Variants in CDH12 observed in about 807,000 individuals in gnomAD.
The protein encoded by CDH12 is cadherin-12.
Under a neutral mutation model 74.1 loss-of-function variants are expected in CDH12, and 41 were observed. The ratio of observed to expected loss-of-function variants is 0.55; its 90% CI spans 0.43 to 0.72. The LOEUF (loss-of-function observed/expected upper bound fraction) is 0.72, where lower values mean the gene tolerates loss of function less well. CDH12 is among the 30% of genes least tolerant of loss of function. The pLI is 0.00. For synonymous variants in CDH12, 399 were observed against 355.0 expected (o/e 1.12, Z -1.39); for missense variants, 945 against 977.2 (o/e 0.97, Z 0.44).
chr5:22,705,952 T>C (rs184216852), intron 1 of CDH12, among the ~76,000 whole-genome samples: 56 of 152,236 alleles, frequency 3.7e-4, no homozygotes, highest in South Asian at 2.1e-4. Context: ...ATATTAGGTT[T>C]ACTTTCATTG....
chr5:22,686,961 T>G (rs1204541792), intron 1 of CDH12, among the ~76,000 whole-genome samples: 7 of 152,212 alleles, frequency 4.6e-5, no homozygotes, highest in African/African-American at 1.7e-4. Context: ...ATTTCTCACT[T>G]AGCTACCACT....
intron 5 of CDH12, among the ~76,000 whole-genome samples, chr5:22,022,839 C>A (rs1257412967): frequency 6.6e-6 from 1 of 152,032 alleles, no homozygotes; most frequent in Non-Finnish European, 1.5e-5. Flanking sequence ...GTTTGCTTTG[C>A]CTCCAAATAA....
At chr5:21,763,765 C>A (rs1744853823) in intron 12 of CDH12, among the ~76,000 whole-genome samples, 1 of 152,066 alleles carries the variant, frequency 6.6e-6, no homozygotes, top group Non-Finnish European at 1.5e-5. Flanking sequence ...AAAATGGCAA[C>A]CTACCACCAC....
At chr5:22,273,248 T>C (rs1224401599) in intron 3 of CDH12, among the ~76,000 whole-genome samples, 1 of 152,080 alleles carries the variant, frequency 6.6e-6, no homozygotes, top group Non-Finnish European at 1.5e-5. Flanking sequence ...ACAGATATAA[T>C]AATAATGAAG....
Position 21,857,968 on chromosome 5 carries a change from A to G in CDH12, c.527-3178T>C, listed in dbSNP as rs542898734. ...CTCAGACAGAGAGAGGGAGAGAGGC[A>G]GAGACAGAGAGAGAGAGAGAGACAG... On this transcript the variant is annotated intron_variant, in intron 6 of 14. Transcript: ENST00000382254. 4.3e-4 allele frequency among the ~76,000 whole-genome samples: 65 copies of G among 151,704 alleles called. 2 individuals are homozygous for G. The South Asian group carries it at 0.013, about 31-fold the overall frequency.
At chr5:22,638,866 A>G (rs994842129) in intron 1 of CDH12, 1 of 151,370 alleles carries the variant, frequency 6.6e-6, no homozygotes, top group Non-Finnish European at 1.5e-5. Flanking sequence ...CTGGCTAACA[A>G]GGTGAAACCC....
In CDH12 at chr5:22,097,808, T is replaced by C. The variant is rs181146180; in HGVS notation, c.-186-18946A>G. Among the ~76,000 whole-genome samples, 5 of 152,186 alleles carry C rather than the reference T, an allele frequency of 3.3e-5. 1 individual carries two copies. The East Asian group carries it at 9.7e-4, about 30-fold the overall frequency. On this transcript the variant is annotated intron_variant, in intron 4 of 14. Coordinates refer to ENST00000382254, the MANE Select transcript of CDH12 (RefSeq NM_004061.5). ...CACCCCATTAAAACCTAATCACTCT[T>C]ACCCTGCTCAATGCCAACATCCCAT...
intron 2 of CDH12, among the ~76,000 whole-genome samples, chr5:22,477,259 C>T (rs942908106): frequency 1.6e-4 from 25 of 152,228 alleles, no homozygotes; most frequent in African/African-American, 6.0e-4. Flanking sequence ...TTTCACCCTC[C>T]AAAAAGTCCC....
intron 7 of CDH12, among the ~76,000 whole-genome samples, chr5:21,853,359 T>C (rs1750575725): frequency 6.6e-6 from 1 of 151,590 alleles, no homozygotes; most frequent in Admixed American, 6.6e-5. Flanking sequence ...GTACCGATAC[T>C]CCCTTCTTAG....
chr5:21,837,866 A>G (rs1278851929), intron 8 of CDH12, among the ~76,000 whole-genome samples: 1 of 152,136 alleles, frequency 6.6e-6, no homozygotes, highest in Non-Finnish European at 1.5e-5. Flanking sequence ...CACCCGTTAT[A>G]GTTTCAGACA....
At chr5:22,534,981 T>A (rs542092022) in intron 1 of CDH12, among the ~76,000 whole-genome samples, 2 of 148,532 alleles carry the variant, frequency 1.3e-5, no homozygotes, top group Non-Finnish European at 3.0e-5. Context: ...ATTGCATTTT[T>A]TTTTTTTTTG....
At chr5:22,618,235 C>G (rs1267474370) in intron 1 of CDH12, among the ~76,000 whole-genome samples, 1 of 152,068 alleles carries the variant, frequency 6.6e-6, no homozygotes, top group Non-Finnish European at 1.5e-5. Flanking sequence ...CTGTGAGATA[C>G]AGCATTTTAC....
At chr5:22,843,686 A>G (rs1737177377) in intron 1 of CDH12, among the ~76,000 whole-genome samples, 1 of 151,688 alleles carries the variant, frequency 6.6e-6, no homozygotes, top group African/African-American at 2.4e-5. Flanking sequence ...ATGTGAAGGC[A>G]CTGCAAAAAT....
intron 3 of CDH12, among the ~76,000 whole-genome samples, chr5:22,299,525 T>C (rs1489654215): frequency 6.6e-6 from 1 of 152,214 alleles, no homozygotes; most frequent in African/African-American, 2.4e-5. Flanking sequence ...TGCAAAGAAT[T>C]TCTTTGAAAG....
At chr5:22,594,699 G>A (rs918692580) in intron 1 of CDH12, among the ~76,000 whole-genome samples, 13 of 152,040 alleles carry the variant, frequency 8.6e-5, no homozygotes, top group Non-Finnish European at 1.6e-4. Context: ...ATGCCAATTT[G>A]GGTTGGAAAC....
At chr5:22,119,620 G>C (rs1293101376) in intron 4 of CDH12, among the ~76,000 whole-genome samples, 5 of 152,040 alleles carry the variant, frequency 3.3e-5, no homozygotes, top group Admixed American at 3.3e-4. Flanking sequence ...GCATTGGAAG[G>C]AAGGGTTGAC....
At chr5:22,739,995 T>C (rs190275111) in intron 1 of CDH12, among the ~76,000 whole-genome samples, 20 of 152,244 alleles carry the variant, frequency 1.3e-4, no homozygotes, top group African/African-American at 4.6e-4. Flanking sequence ...GACTAATGTA[T>C]TACAAGATGT....
At chr5:22,298,836 C>T (rs951797665) in intron 3 of CDH12, among the ~76,000 whole-genome samples, 1 of 152,166 alleles carries the variant, frequency 6.6e-6, no homozygotes, top group Non-Finnish European at 1.5e-5. Flanking sequence ...AATGCACACT[C>T]TTCGGCATAT....
chr5:22,430,731 C>A (rs1448249387), intron 2 of CDH12, among the ~76,000 whole-genome samples: 1 of 151,988 alleles, frequency 6.6e-6, no homozygotes, highest in Non-Finnish European at 1.5e-5. Flanking sequence ...AAATATTGGC[C>A]AATGAAATTG....
Sources: gnomAD v4.1 joint callset for allele counts (sites outside exome capture counted in the v4.1 genomes callset) on GRCh38, gnomAD v4.1.1 for gene constraint, MANE v1.5 for transcripts, NCBI Gene and HGNC (gene_info 2026-07-23, HGNC 2026-07-21) for gene names.